The following MYO16 variants were observed in gnomAD, a reference collection of about 807,000 sequenced individuals.
MYO16 encodes unconventional myosin-XVI.
In MYO16, 94 loss-of-function variants were observed where a neutral mutation model predicts 205.3. The ratio of observed to expected loss-of-function variants is 0.46; its 90% confidence interval spans 0.39 to 0.54. The LOEUF (loss-of-function observed/expected upper bound fraction) is 0.54. MYO16 is among the 20% of genes least tolerant of loss of function. The probability of loss-of-function intolerance (pLI) is 0.00; values close to 1 mark genes in which losing one functional copy is unlikely to be tolerated. For missense variants in MYO16, 2,315 were observed against 2,387.5 expected, an observed-to-expected ratio of 0.97 and a Z score of 0.63; for synonymous variants, 988 against 954.0, an observed-to-expected ratio of 1.04 and a Z score of -0.66.
Position 109,207,686 on chromosome 13 carries a change from A to G in MYO16, c.*850A>G, listed in dbSNP as rs1464853003. 1.3e-5 allele frequency: 2 copies of G among 152,278 alleles called. No homozygotes were observed. Among genetic ancestry groups the G allele is most frequent in the African/African-American group, 2.4e-5 (1 of 41,466 alleles). The allele number at this position is 152,278 out of a possible 1,614,324, so 9.4% of individuals were successfully genotyped here. ...GTTAAACACGTATGGCTTCAAATCC[A>G]TAGCCGGTGGTGTAAAATGATCATA... is the stretch of plus-strand genomic sequence containing the variant. On this transcript the variant is annotated 3_prime_UTR_variant, in exon 35 of 35. Coordinates refer to ENST00000457511, the MANE Select transcript of MYO16 (RefSeq NM_001198950.3).
intron 27 of MYO16, among the ~76,000 whole-genome samples, chr13:109,088,599 C>T (rs972529332): frequency 4.6e-5 from 7 of 152,158 alleles, no homozygotes; most frequent in African/African-American, 1.7e-4. Flanking sequence ...GAGAGACCCC[C>T]TGGCTTAATG....
the MYO16 span, among the ~76,000 whole-genome samples, chr13:108,504,119 T>C: frequency 6.6e-6 from 1 of 152,060 alleles, no homozygotes; most frequent in East Asian, 1.9e-4. Context: ...TTTTGTTTTG[T>C]TTTGTTTTGT....
In MYO16 at chr13:108,912,101, C is replaced by T. The variant is rs184741037; in HGVS notation, c.1925+1951C>T. Among the ~76,000 whole-genome samples, 171 of 152,184 alleles carry T rather than the reference C, an allele frequency of 1.1e-3. 1 individual carries two copies. The highest frequency in any genetic ancestry group is 1.9e-3 in the Non-Finnish European group (129 of 68,008). On this transcript the variant is annotated intron_variant, in intron 16 of 34. Coordinates refer to ENST00000457511, the MANE Select transcript of MYO16 (RefSeq NM_001198950.3). Reference sequence around the variant, plus strand: ...GGAGGGACTTTCCAGTGTGATGGAGCCAATGTGAGGCTGAACTCCTAGAAC... The same window carrying T: ...GGAGGGACTTTCCAGTGTGATGGAGTCAATGTGAGGCTGAACTCCTAGAAC...
At chr13:109,108,076 A>G (rs978961821) in intron 28 of MYO16, among the ~76,000 whole-genome samples, 1 of 152,154 alleles carries the variant, frequency 6.6e-6, no homozygotes, top group African/African-American at 2.4e-5. Flanking sequence ...TGTTTTTAAA[A>G]ATGATATTAC....
chr13:108,874,693 CATCATTATT>C (rs763563865), intron 12 of MYO16, among the ~76,000 whole-genome samples: 16,635 of 128,722 alleles, frequency 0.13, 1,201 homozygotes, highest in Non-Finnish European at 0.18. Context: ...GTTTCATCAT[CATCATTATT>C]ATTATTATTA....
intron 34 of MYO16, among the ~76,000 whole-genome samples, chr13:109,205,413 T>C (rs370116397): frequency 3.9e-5 from 6 of 152,306 alleles, no homozygotes; most frequent in African/African-American, 1.4e-4. Flanking sequence ...TCTACATAAG[T>C]GCATAACCAC....
intron 20 of MYO16, among the ~76,000 whole-genome samples, chr13:108,991,505 A>C (rs190698491): frequency 6.6e-6 from 1 of 152,386 alleles, no homozygotes; most frequent in East Asian, 1.9e-4. Flanking sequence ...CATGTGACTT[A>C]ATTGTGTTTT....
At chr13:109,161,362 G>A (rs1244460562) in intron 32 of MYO16, among the ~76,000 whole-genome samples, 1 of 152,192 alleles carries the variant, frequency 6.6e-6, no homozygotes, top group Non-Finnish European at 1.5e-5. Context: ...TGACTGTGTG[G>A]GGACTGCTGA....
chr13:109,096,842 G>A (rs868776828), intron 27 of MYO16, among the ~76,000 whole-genome samples: 1 of 152,212 alleles, frequency 6.6e-6, no homozygotes, highest in Non-Finnish European at 1.5e-5. Flanking sequence ...AGCTCTGAGG[G>A]AGGGTAGAGC....
chr13:109,047,132 A>G (rs1594499740), intron 24 of MYO16, 141 bp downstream of exon 24: 1 of 630,226 alleles, frequency 1.6e-6, no homozygotes, highest in East Asian at 2.8e-5. Context: ...TGCCCAGACT[A>G]ATGAGAAATG....
At chr13:108,519,464 C>A in the MYO16 span, among the ~76,000 whole-genome samples, 6 of 152,024 alleles carry the variant, frequency 3.9e-5, no homozygotes, top group East Asian at 7.7e-4. Context: ...TTCTAATCTG[C>A]GGATTTGACT....
the MYO16 span, among the ~76,000 whole-genome samples, chr13:108,553,600 T>A: frequency 6.6e-6 from 1 of 152,176 alleles, no homozygotes; most frequent in Non-Finnish European, 1.5e-5. Context: ...TTTAGTAGAA[T>A]CTTTTATGTG....
intron 22 of MYO16, among the ~76,000 whole-genome samples, chr13:109,010,108 G>T (rs9587739): frequency 0.017 from 2,574 of 152,262 alleles, 76 homozygotes; most frequent in African/African-American, 0.059. Flanking sequence ...GGTTGATCCA[G>T]ATTTTTACCA....
intron 32 of MYO16, among the ~76,000 whole-genome samples, chr13:109,145,151 T>C (rs1349834940): frequency 6.6e-6 from 1 of 152,218 alleles, no homozygotes; most frequent in Non-Finnish European, 1.5e-5. Flanking sequence ...CCAGGCATTG[T>C]CTGAGTCATC....
intron 10 of MYO16, among the ~76,000 whole-genome samples, chr13:108,854,047 G>C (rs1878041799): frequency 6.6e-6 from 1 of 151,560 alleles, no homozygotes; most frequent in Non-Finnish European, 1.5e-5. Context: ...AGGCTGGAGT[G>C]CAGTGGCTGG....
intron 23 of MYO16, among the ~76,000 whole-genome samples, chr13:109,046,161 G>A (rs553086767): frequency 5.9e-5 from 9 of 152,176 alleles, no homozygotes; most frequent in South Asian, 4.1e-4. Context: ...ATCCACTACC[G>A]GTCCACACTG....
chr13:108,852,027 C>A (rs1052244880), intron 10 of MYO16, among the ~76,000 whole-genome samples: 4 of 152,098 alleles, frequency 2.6e-5, no homozygotes, highest in Admixed American at 2.6e-4. Context: ...ATGTCCTTCC[C>A]TCTCCCAGAG....
At chr13:108,836,672 G>A (rs1876937616) in intron 9 of MYO16, among the ~76,000 whole-genome samples, 1 of 152,218 alleles carries the variant, frequency 6.6e-6, no homozygotes, top group Non-Finnish European at 1.5e-5. Context: ...TTGCATCAGT[G>A]TAACCTGGAT....
intron 2 of MYO16, among the ~76,000 whole-genome samples, chr13:108,699,376 G>A (rs2139514665): frequency 6.6e-6 from 1 of 152,020 alleles, no homozygotes; most frequent in Admixed American, 6.6e-5. Flanking sequence ...TAGTAGTTAT[G>A]TCAGTTCTTT....
Sources: allele counts gnomAD v4.1 joint callset (sites outside exome capture counted in the v4.1 genomes callset), GRCh38; gene constraint gnomAD v4.1.1; transcripts MANE v1.5; gene names NCBI Gene and HGNC (gene_info 2026-07-23, HGNC 2026-07-21).